Variants in NYAP2 observed in about 807,000 individuals in gnomAD.
NYAP2 encodes the protein neuronal tyrosine-phosphorylated phosphoinositide-3-kinase adapter 2.
In NYAP2, 23 loss-of-function variants were observed where a neutral mutation model predicts 50.4. The observed-to-expected ratio is 0.46, with a 90% CI of 0.33 to 0.65. NYAP2 has a LOEUF of 0.65. Ranked by LOEUF, NYAP2 falls within the 30% of genes least tolerant of loss-of-function variation. The probability of loss-of-function intolerance (pLI) is 0.02; values close to 1 mark genes in which losing one functional copy is unlikely to be tolerated. For synonymous variants in NYAP2, 394 were observed against 365.2 expected (o/e 1.08, Z -0.90); for missense variants, 885 against 861.0 (o/e 1.03, Z -0.35).
In NYAP2 at chr2:225,582,016, A is replaced by C. The variant is rs1692279495; in HGVS notation, c.599A>C (p.Asn200Thr). ...CCTCCCAAACCGAAGCGAAATCCGA[A>C]CACTCAGCTGAGCACATCTTTCGAT... The change falls in exon 5 of 7, where the codon AAC becomes ACC. Residue 200 changes from asparagine to threonine, a missense_variant. By Grantham distance (65) the Asn-to-Thr change is moderately conservative. Transcript: ENST00000636099. This position sits in a 1 kb window ranked among gnomAD's most constrained non-coding sequence, Gnocchi z 7.0. 1 of 1,613,862 alleles carries C rather than the reference A, an allele frequency of 6.2e-7. No individual in the cohort carries two copies. Among genetic ancestry groups the C allele is most frequent in the Admixed American group, 1.7e-5 (1 of 60,032 alleles).
chr2:225,642,201 C>T (rs1693545465), intron 6 of NYAP2, among the ~76,000 whole-genome samples: 1 of 151,978 alleles, frequency 6.6e-6, no homozygotes, highest in African/African-American at 2.4e-5. Flanking sequence ...TAAACCGGGG[C>T]AGTGTGCTGG....
At position 225,614,678 on chromosome 2, in the gene NYAP2, C is replaced by T. The variant is rs556627075; in HGVS notation, c.1619-12239C>T. ...ATAAAAACATTTTCTTCATTAGAAA[C>T]ACAAGGATCTAATATTTAGACTGTG... On this transcript the variant is annotated intron_variant, in intron 5 of 6. Coordinates refer to ENST00000636099, the Ensembl canonical transcript of NYAP2. Among the ~76,000 whole-genome samples, 14 of 152,258 alleles carry T rather than the reference C, an allele frequency of 9.2e-5. No homozygotes were observed. In the South Asian group the frequency reaches 2.9e-3, roughly 32 times the overall value.
chr2:225,549,868 C>T (rs919373226), intron 4 of NYAP2, among the ~76,000 whole-genome samples: 6 of 151,816 alleles, frequency 4.0e-5, no homozygotes, highest in African/African-American at 1.5e-4. Flanking sequence ...ACCTGTAATC[C>T]TAGCTACTTG....
upstream of NYAP2, among the ~76,000 whole-genome samples, chr2:225,398,597 T>A (rs1046566520): frequency 6.6e-6 from 1 of 150,766 alleles, no homozygotes; most frequent in African/African-American, 2.4e-5. Flanking sequence ...TTCAGCAATG[T>A]GCTAAGTATT....
At chr2:225,665,807 TAAAAAAAAAAAA>T in the NYAP2 span, among the ~76,000 whole-genome samples, 179 of 21,010 alleles carry the variant, frequency 8.5e-3, 1 homozygote, top group East Asian at 0.027. Context: ...AGCCTCCGTC[TAAAAAAAAAAAA>T]AAAAAAAAAA....
At chr2:225,487,550 G>A (rs1193078369) in intron 3 of NYAP2, among the ~76,000 whole-genome samples, 1 of 151,968 alleles carries the variant, frequency 6.6e-6, no homozygotes, top group African/African-American at 2.4e-5. Flanking sequence ...AGTAGAGACA[G>A]GGTTTCACCG....
intron 3 of NYAP2, among the ~76,000 whole-genome samples, chr2:225,425,625 A>G (rs1248172767): frequency 1.3e-5 from 2 of 152,214 alleles, no homozygotes; most frequent in Admixed American, 1.3e-4. Context: ...GACTTTTCTA[A>G]GAGACCTATC....
intron 4 of NYAP2, among the ~76,000 whole-genome samples, chr2:225,571,444 A>G (rs1417164131): frequency 6.6e-6 from 1 of 152,226 alleles, no homozygotes; most frequent in Non-Finnish European, 1.5e-5. Flanking sequence ...ATCCTTGGAA[A>G]TCTAGGTGAA....
intron 3 of NYAP2, among the ~76,000 whole-genome samples, chr2:225,456,352 G>A (rs1689739593): frequency 6.6e-6 from 1 of 152,164 alleles, no homozygotes; most frequent in Non-Finnish European, 1.5e-5. Context: ...TTGTGTCCTG[G>A]CATCTTCTCT....
chr2:225,534,968 C>G lies in NYAP2; in HGVS notation c.523+21296C>G, dbSNP rs1418451950. Among the ~76,000 whole-genome samples, 7 of 152,270 alleles carry G rather than the reference C, an allele frequency of 4.6e-5. No homozygotes were observed. In the South Asian group the frequency reaches 1.5e-3, roughly 32 times the overall value. ...AAGGCAGGACTTGCTGGAAATGCAG[C>G]CTTTGCAACTTGTCAGAGAATTACC... On this transcript the variant is annotated intron_variant, in intron 4 of 6. Coordinates refer to ENST00000636099, the Ensembl canonical transcript of NYAP2.
At chr2:225,573,648 T>C (rs1410305673) in intron 4 of NYAP2, among the ~76,000 whole-genome samples, 5 of 152,202 alleles carry the variant, frequency 3.3e-5, no homozygotes, top group Admixed American at 2.0e-4. Flanking sequence ...TATTTTTCTG[T>C]ACTCAGCTGG....
At chr2:225,636,771 GCCA>G (rs1693426347) in intron 6 of NYAP2, among the ~76,000 whole-genome samples, 1 of 152,048 alleles carries the variant, frequency 6.6e-6, no homozygotes, top group Admixed American at 6.6e-5. Context: ...TTCCAACCCT[GCCA>G]CCACCATGTG....
chr2:225,446,474 T>C, intron 3 of NYAP2, among the ~76,000 whole-genome samples: 1 of 151,700 alleles, frequency 6.6e-6, no homozygotes, highest in Non-Finnish European at 1.5e-5. Flanking sequence ...ACCAATTGCA[T>C]TACCAATTCT....
chr2:225,693,044 G>T, the NYAP2 span, among the ~76,000 whole-genome samples: 2 of 151,930 alleles, frequency 1.3e-5, no homozygotes, highest in Non-Finnish European at 2.9e-5. Context: ...ACATTACCAT[G>T]GTTCATGTGT....
chr2:225,454,560 G>T (rs1311421954), intron 3 of NYAP2, among the ~76,000 whole-genome samples: 1 of 152,154 alleles, frequency 6.6e-6, no homozygotes, highest in Admixed American at 6.5e-5. Context: ...TACATCAGGG[G>T]TAGGGATCAG....
chr2:225,640,681 G>A (rs1693511713), intron 6 of NYAP2, among the ~76,000 whole-genome samples: 1 of 152,050 alleles, frequency 6.6e-6, no homozygotes, highest in East Asian at 1.9e-4. Context: ...TGATGTGTGT[G>A]TACATATATA....
Position 225,513,761 on chromosome 2 carries a change from T to C in NYAP2, c.523+89T>C, listed in dbSNP as rs1391107862. On this transcript the variant is annotated intron_variant, in intron 4 of 6. Coordinates refer to ENST00000636099, the Ensembl canonical transcript of NYAP2. ...GCCCAGGGGCAAGTGCCTTCTTCAC[T>C]GGGCCACATAATCCTGCCTCTCACC... 12 of 1,022,728 alleles carry C rather than the reference T, an allele frequency of 1.2e-5. No homozygotes were observed. The South Asian group carries it at 3.3e-4, about 28-fold the overall frequency. 63.4% of individuals were successfully genotyped at this position (1,022,728 alleles called of 1,614,324 possible). A position where few individuals can be genotyped will look rare whatever the true frequency, so the allele number is the denominator to read the frequency against.
At chr2:225,641,247 C>A (rs918434091) in intron 6 of NYAP2, among the ~76,000 whole-genome samples, 2 of 152,070 alleles carry the variant, frequency 1.3e-5, no homozygotes, top group African/African-American at 4.8e-5. Flanking sequence ...ACGAAGAATG[C>A]CCTTTCTGTT....
chr2:225,459,989 G>T (rs762428821), intron 3 of NYAP2, among the ~76,000 whole-genome samples: 65 of 152,056 alleles, frequency 4.3e-4, no homozygotes, highest in Admixed American at 5.9e-4. Flanking sequence ...ATGTTTTGAT[G>T]CTTTGGAAAC....
Sources: allele counts gnomAD v4.1 joint callset (sites outside exome capture counted in the v4.1 genomes callset), GRCh38; gene constraint gnomAD v4.1.1; non-coding constraint Gnocchi (gnomAD v3.1); transcripts MANE v1.5; gene names NCBI Gene and HGNC (gene_info 2026-07-23, HGNC 2026-07-21).